EYS: variants seen among roughly 807,000 people sequenced by gnomAD.
EYS encodes EGF-like photoreceptor maintenance factor.
EYS carries 250 observed loss-of-function variants against 282.1 expected under a neutral mutation model. That is an observed-to-expected ratio of 0.89 (90% CI 0.80 to 0.98). EYS has a LOEUF of 0.98. EYS is among the 50% of genes least tolerant of loss of function. The pLI is 0.00. For missense variants in EYS, 4,016 were observed against 3,709.0 expected, an observed-to-expected ratio of 1.08 and a Z score of -2.15; for synonymous variants, 1,355 against 1,282.9, an observed-to-expected ratio of 1.06 and a Z score of -1.20.
At chr6:65,110,111 CT>C (rs916032481) in intron 12 of EYS, among the ~76,000 whole-genome samples, 1 of 152,058 alleles carries the variant, frequency 6.6e-6, no homozygotes, top group African/African-American at 2.4e-5. Context: ...TCCTGAAACC[CT>C]TTATATCATG....
In EYS at chr6:63,984,591, A is replaced by G; in HGVS notation, c.6847T>C (p.Ser2283Pro). ...ISHASQAYFE[S>P]MFLGHIPANV... ...GCAGGAATATGGCCAAGGAACATTG[A>G]TTCAAAATATGCCTGTAGAAAAAGT... Residue 2283 changes from serine (S) to proline (P), a missense_variant, in exon 35 of 43, where the codon TCA (serine) becomes CCA (proline). Transcript: ENST00000503581. 1 of 1,547,716 alleles carries G rather than the reference A, an allele frequency of 6.5e-7. No individual in the cohort carries two copies. The highest frequency in any genetic ancestry group is 1.2e-5 in the South Asian group (1 of 83,914).
At chr6:64,967,484 A>AT (rs978305216) in intron 14 of EYS, among the ~76,000 whole-genome samples, 2 of 151,892 alleles carry the variant, frequency 1.3e-5, no homozygotes, top group African/African-American at 2.4e-5. Flanking sequence ...CACCTGGCTA[A>AT]TTTTTTTATT....
intron 5 of EYS, among the ~76,000 whole-genome samples, chr6:65,487,279 T>C (rs1765822151): frequency 6.6e-6 from 1 of 152,218 alleles, no homozygotes; most frequent in Admixed American, 6.5e-5. Context: ...CTTCCAGTTT[T>C]TGCCCATTCA....
intron 19 of EYS, among the ~76,000 whole-genome samples, chr6:64,835,481 T>TA (rs5876926): frequency 0.63 from 95,908 of 151,094 alleles, 30,937 homozygotes; most frequent in Non-Finnish European, 0.66. Flanking sequence ...GCTGAGAATT[T>TA]AAAAAAAACT....
At chr6:65,509,281 T>C in intron 2 of EYS, among the ~76,000 whole-genome samples, 1 of 152,116 alleles carries the variant, frequency 6.6e-6, no homozygotes, top group South Asian at 2.1e-4. Flanking sequence ...TTTAAGATGG[T>C]TGGTGTAGAA....
chr6:63,907,635 A>C (rs1454494956), intron 35 of EYS, among the ~76,000 whole-genome samples: 1 of 152,024 alleles, frequency 6.6e-6, no homozygotes, highest in African/African-American at 2.4e-5. Flanking sequence ...TCATTTTTTT[A>C]TCTGTATAAA....
chr6:65,165,776 TA>T (rs1445881752), intron 12 of EYS, among the ~76,000 whole-genome samples: 2 of 151,070 alleles, frequency 1.3e-5, no homozygotes, highest in Admixed American at 6.6e-5. Context: ...AAAGGGACAT[TA>T]AAACTATCTC....
intron 26 of EYS, among the ~76,000 whole-genome samples, chr6:64,482,961 G>T (rs1422856246): frequency 1.3e-5 from 2 of 151,668 alleles, no homozygotes; most frequent in African/African-American, 2.4e-5. Flanking sequence ...TTATTAAACA[G>T]TGAGTGGGAT....
At chr6:63,858,680 T>C (rs974759929) in intron 36 of EYS, among the ~76,000 whole-genome samples, 1 of 152,154 alleles carries the variant, frequency 6.6e-6, no homozygotes, top group African/African-American at 2.4e-5. Flanking sequence ...TAGTATTTCT[T>C]TGTAACAAGG....
intron 14 of EYS, among the ~76,000 whole-genome samples, chr6:64,959,661 T>G (rs1411613005): frequency 2.6e-5 from 4 of 152,128 alleles, no homozygotes; most frequent in Non-Finnish European, 5.9e-5. Flanking sequence ...ACTCAGTGAT[T>G]TTTTTTACTC....
At chr6:64,698,335 C>T (rs1218962997) in intron 22 of EYS, among the ~76,000 whole-genome samples, 1 of 151,794 alleles carries the variant, frequency 6.6e-6, no homozygotes, top group Non-Finnish European at 1.5e-5. Context: ...AAGATCAAAA[C>T]AGAACTAAAG....
rs141775476 is a variant in EYS, at chr6:65,165,347, T to A, written c.2024-107620A>T. On this transcript the variant is annotated intron_variant, in intron 12 of 42. Coordinates refer to ENST00000503581, the MANE Select transcript of EYS (RefSeq NM_001142800.2). ...GCTTTCATCTCAAATTATCTCCTGT[T>A]TGCTCAAACAATATACTTTAAATTT... 9.9e-3 allele frequency among the ~76,000 whole-genome samples: 1,489 copies of A among 151,098 alleles called. 25 individuals carry two copies. The highest frequency in any genetic ancestry group is 0.034 in the African/African-American group (1,407 of 41,432).
At chr6:64,105,450 C>G (rs756385742) in intron 31 of EYS, among the ~76,000 whole-genome samples, 2 of 152,044 alleles carry the variant, frequency 1.3e-5, no homozygotes, top group African/African-American at 4.8e-5. Context: ...ACTGAAACAT[C>G]GTCAAAGTCT....
intron 2 of EYS, among the ~76,000 whole-genome samples, chr6:65,574,229 G>C (rs773452192): frequency 1.3e-5 from 2 of 152,226 alleles, no homozygotes; most frequent in African/African-American, 2.4e-5. Context: ...CGAGTGCCAA[G>C]AGCAACCCAC....
chr6:65,337,704 A>C (rs1362884240), intron 10 of EYS, among the ~76,000 whole-genome samples: 1 of 151,052 alleles, frequency 6.6e-6, no homozygotes, highest in Non-Finnish European at 1.5e-5. Context: ...CGTATTCAAA[A>C]TTTGTTAATT....
At position 63,721,817 on chromosome 6, in the gene EYS, A is replaced by G; in HGVS notation, c.8234-20T>C. 1 of 1,526,950 alleles carries G rather than the reference A, an allele frequency of 6.5e-7. No individual in the cohort carries two copies. Among genetic ancestry groups the G allele is most frequent in the Non-Finnish European group, 8.8e-7 (1 of 1,135,964 alleles). The allele number at this position is 1,526,950 out of a possible 1,614,324, so 94.6% of individuals were successfully genotyped here. On this transcript the variant is annotated intron_variant, in intron 42 of 42. Transcript: ENST00000503581. ...AATCACCTGCAAGAAAGCAAACAGT[A>G]AGTTTGATTAGCAACAGTAAAAGTT...
chr6:63,847,836 A>T (rs774925076), intron 36 of EYS, among the ~76,000 whole-genome samples: 15 of 152,338 alleles, frequency 9.8e-5, no homozygotes, highest in Non-Finnish European at 1.6e-4. Flanking sequence ...GTGAAGATTC[A>T]TATTAAATGA....
At chr6:64,154,972 G>A (rs892673980) in intron 31 of EYS, among the ~76,000 whole-genome samples, 6 of 152,150 alleles carry the variant, frequency 3.9e-5, no homozygotes, top group Admixed American at 1.3e-4. Flanking sequence ...CTGAGGGATT[G>A]TAAAACTAGC....
At chr6:65,575,170 A>G (rs546177478) in intron 2 of EYS, among the ~76,000 whole-genome samples, 1 of 151,548 alleles carries the variant, frequency 6.6e-6, no homozygotes, top group African/African-American at 2.4e-5. Flanking sequence ...AAAATACAAA[A>G]TTTTTTTGTA....
Sources: allele counts gnomAD v4.1 joint callset (sites outside exome capture counted in the v4.1 genomes callset), GRCh38; gene constraint gnomAD v4.1.1; transcripts MANE v1.5; gene names NCBI Gene and HGNC (gene_info 2026-07-23, HGNC 2026-07-21).